The following NRCAM variants were observed in gnomAD, a reference collection of about 807,000 sequenced individuals.
The protein encoded by NRCAM is NgCAM-related cell adhesion molecule.
In NRCAM, 83 loss-of-function variants were observed where a neutral mutation model predicts 156.5. That is an observed-to-expected ratio of 0.53 (90% CI 0.44 to 0.64). The LOEUF (loss-of-function observed/expected upper bound fraction) is 0.64. Ranked by LOEUF, NRCAM falls within the 30% of genes least tolerant of loss-of-function variation. The pLI is 0.00. For missense variants in NRCAM, 1,417 were observed against 1,597.3 expected (o/e 0.89, Z 1.92); for synonymous variants, 538 against 563.9 (o/e 0.95, Z 0.65).
chr7:108,198,040 G>C lies in NRCAM; in HGVS notation c.1267C>G (p.Gln423Glu), dbSNP rs746633002. ...TGATAGACTGCACTTGATCTTTCTTGAACATTTGAAAAAATAATGGTATCG... is the reference window on the plus strand; with the variant it reads ...TGATAGACTGCACTTGATCTTTCTTCAACATTTGAAAAAATAATGGTATCG... The part of the protein sequence containing the change: ...DGDTIIFSNV[Q>E]ERSSAVYQCN... The change falls in exon 14 of 33, where the codon CAA (glutamine) becomes GAA (glutamate). Residue 423 changes from glutamine (Q) to glutamate (E), a missense_variant. Gln to Glu is a conservative substitution (Grantham distance 29). This residue lies in a region of NRCAM where 1,238 missense variants were observed against 1,336.4 expected (regional missense o/e 0.93). Transcript: ENST00000379028. The C allele has an allele frequency of 2.5e-6, 4 of 1,603,366 alleles. No homozygotes were observed. The highest frequency in any genetic ancestry group is 3.4e-6 in the Non-Finnish European group (4 of 1,175,034).
intron 17 of NRCAM, among the ~76,000 whole-genome samples, chr7:108,192,191 G>A (rs865798537): frequency 3.3e-5 from 5 of 152,086 alleles, no homozygotes; most frequent in African/African-American, 1.2e-4. Context: ...GGTGTGGTAG[G>A]AGTTTCCTTA....
intron 3 of NRCAM, among the ~76,000 whole-genome samples, chr7:108,253,689 A>C (rs1307267038): frequency 6.6e-6 from 1 of 152,252 alleles, no homozygotes; most frequent in Admixed American, 6.5e-5. Flanking sequence ...TCTCATGCAC[A>C]GAGTGAAATG....
rs566857266 is a variant in NRCAM, at chr7:108,170,763, C to T, written c.3188-2361G>A. Among the ~76,000 whole-genome samples the T allele has an allele frequency of 2.0e-5, 3 of 152,124 alleles. No individual in the cohort carries two copies. The South Asian group carries it at 6.2e-4, about 32-fold the overall frequency. On this transcript the variant is annotated intron_variant, in intron 28 of 32. Coordinates refer to ENST00000379028, the MANE Select transcript of NRCAM (RefSeq NM_001037132.4). ...ACTTTCTAAATTAACTGAAACCTGT[C>T]TCAGATTTTCGGGGTTCACATGTGG...
chr7:108,298,332 T>A (rs897550432), intron 3 of NRCAM, among the ~76,000 whole-genome samples: 1 of 151,566 alleles, frequency 6.6e-6, no homozygotes, highest in African/African-American at 2.4e-5. Context: ...GACTCCTCTA[T>A]CCAAAACAAC....
In NRCAM at chr7:108,234,616, A is replaced by C; in HGVS notation, c.197T>G (p.Ile66Ser). 1 of 1,613,128 alleles carries C rather than the reference A, an allele frequency of 6.2e-7. No homozygotes were observed. The highest frequency in any genetic ancestry group is 8.5e-7 in the Non-Finnish European group (1 of 1,179,284). ...YIIDPRENIV[I>S]QCEAKGKPPP... Reference sequence around the variant, plus strand: ...CGGTTTCCCTTTGGCTTCACACTGGATTACAATATTCTCCCGAGGGTCAAT... The same window carrying C: ...CGGTTTCCCTTTGGCTTCACACTGGCTTACAATATTCTCCCGAGGGTCAAT... Residue 66 changes from isoleucine to serine, a missense_variant, in exon 6 of 33, where the codon ATC becomes AGC. By Grantham distance (142) the Ile-to-Ser change is moderately radical (BLOSUM62 -2). This residue lies in a region of NRCAM where 1,238 missense variants were observed against 1,336.4 expected (regional missense o/e 0.93). Coordinates refer to ENST00000379028, the MANE Select transcript of NRCAM (RefSeq NM_001037132.4).
rs189807972 is a variant in NRCAM, at chr7:108,274,748, T to C, written c.-106-34578A>G. On this transcript the variant is annotated intron_variant, in intron 3 of 32. Transcript: ENST00000379028. ...CACTTTATTTCTTTCTCTTGCTTGA[T>C]TGTCCTGGCCAGAACTTCCAATACA... is the stretch of plus-strand genomic sequence containing the variant. 1.8e-3 allele frequency among the ~76,000 whole-genome samples: 275 copies of C among 152,320 alleles called. 3 individuals are homozygous for C. The highest frequency in any genetic ancestry group is 0.015 in the Admixed American group (232 of 15,300).
chr7:108,328,415 T>A (rs2099092786), intron 2 of NRCAM: 1 of 152,218 alleles, frequency 6.6e-6, no homozygotes, highest in South Asian at 2.1e-4. Context: ...CAAGCACAGA[T>A]ATTACCTTAC....
intron 2 of NRCAM, among the ~76,000 whole-genome samples, chr7:108,344,818 T>C (rs2099334902): frequency 6.6e-6 from 1 of 152,170 alleles, no homozygotes; most frequent in Non-Finnish European, 1.5e-5. Flanking sequence ...AGAAAAAAAG[T>C]ACATAGAGAC....
At position 108,429,949 on chromosome 7, in the gene NRCAM, A is replaced by G. The variant is rs542243848; in HGVS notation, c.-332+26294T>C. ...AGGTGACATCAGAGGAAAAACGTGA[A>G]AGAGGTGACAGAGAAATGGACAAAC... On this transcript the variant is annotated intron_variant, in intron 1 of 32. Coordinates refer to ENST00000379028, the MANE Select transcript of NRCAM (RefSeq NM_001037132.4). Among the ~76,000 whole-genome samples the G allele has an allele frequency of 4.7e-4, 71 of 152,324 alleles. 3 individuals carry two copies. In the South Asian group the frequency reaches 0.013, roughly 28 times the overall value.
intron 23 of NRCAM, 90 bp from the exon 24 acceptor site, chr7:108,182,027 A>C (rs1317087416): frequency 2.3e-6 from 2 of 873,684 alleles, no homozygotes; most frequent in South Asian, 1.5e-5. Context: ...TTTGGCTTGA[A>C]GCATACTGCA....
intron 1 of NRCAM, among the ~76,000 whole-genome samples, chr7:108,424,089 C>T (rs1459088863): frequency 1.3e-5 from 2 of 152,178 alleles, no homozygotes; most frequent in Non-Finnish European, 2.9e-5. Context: ...TCTTTGAGCC[C>T]ACCGACCTTG....
intron 2 of NRCAM, among the ~76,000 whole-genome samples, chr7:108,355,124 T>C (rs541847643): frequency 4.6e-5 from 7 of 152,356 alleles, no homozygotes; most frequent in Non-Finnish European, 1.0e-4. Context: ...AATTAATCTA[T>C]AAATTCATTC....
At chr7:108,388,017 A>C (rs1399768273) in intron 2 of NRCAM, among the ~76,000 whole-genome samples, 2 of 152,154 alleles carry the variant, frequency 1.3e-5, no homozygotes, top group East Asian at 3.8e-4. Context: ...TGCAATAAAC[A>C]TATGTGTGCA....
At chr7:108,443,633 C>CA (rs1841077945) in intron 1 of NRCAM, among the ~76,000 whole-genome samples, 1 of 152,128 alleles carries the variant, frequency 6.6e-6, no homozygotes, top group South Asian at 2.1e-4. Context: ...GAGACTTAAA[C>CA]AAAATATGTG....
intron 2 of NRCAM, among the ~76,000 whole-genome samples, chr7:108,389,321 A>G (rs1161002741): frequency 2.6e-5 from 4 of 151,666 alleles, no homozygotes; most frequent in Admixed American, 6.6e-5. Flanking sequence ...CTTTGAAGCA[A>G]TTGTGAATGG....
At chr7:108,422,526 T>C (rs1188696145) in intron 1 of NRCAM, among the ~76,000 whole-genome samples, 1 of 152,154 alleles carries the variant, frequency 6.6e-6, no homozygotes, top group Non-Finnish European at 1.5e-5. Context: ...GAGTGTGTAA[T>C]ATAAAATACA....
chr7:108,357,768 C>T (rs1225610002), intron 2 of NRCAM, among the ~76,000 whole-genome samples: 1 of 152,204 alleles, frequency 6.6e-6, no homozygotes, highest in Non-Finnish European at 1.5e-5. Flanking sequence ...TCAGTAAATG[C>T]ACCTCCATTG....
chr7:108,304,191 T>C (rs1208318408), intron 3 of NRCAM, among the ~76,000 whole-genome samples: 10 of 152,204 alleles, frequency 6.6e-5, no homozygotes, highest in Admixed American at 1.3e-4. Flanking sequence ...ACATTGTGAT[T>C]TTCCCCACTG....
At chr7:108,207,703 A>T in intron 12 of NRCAM, 44 bp from the exon 13 acceptor site, 1 of 1,538,874 alleles carries the variant, frequency 6.5e-7, no homozygotes, top group East Asian at 2.3e-5. Flanking sequence ...GAATCAAATA[A>T]GCATTTTAGC....
Sources: allele counts gnomAD v4.1 joint callset (sites outside exome capture counted in the v4.1 genomes callset), GRCh38; gene constraint gnomAD v4.1.1; regional missense constraint gnomAD v4.1.1; transcripts MANE v1.5; gene names NCBI Gene and HGNC (gene_info 2026-07-23, HGNC 2026-07-21).